Variants in DOCK8 observed in about 807,000 individuals in gnomAD.
The protein encoded by DOCK8 is dedicator of cytokinesis protein 8.
DOCK8 carries 141 observed loss-of-function variants against 245.6 expected under a neutral mutation model. The ratio of observed to expected loss-of-function variants is 0.57; its 90% CI spans 0.50 to 0.66. The LOEUF (loss-of-function observed/expected upper bound fraction) is 0.66. Among genes scored for constraint, DOCK8 ranks in the 30% least tolerant of loss-of-function variants. The pLI is 0.00. For missense variants in DOCK8, 2,965 were observed against 2,603.4 expected (o/e 1.14, Z -3.02); for synonymous variants, 1,168 against 970.2 (o/e 1.20, Z -3.79).
intron 14 of DOCK8, among the ~76,000 whole-genome samples, chr9:341,293 C>A (rs903377640): frequency 7.9e-5 from 12 of 152,232 alleles, no homozygotes; most frequent in Admixed American, 4.6e-4. Context: ...TTCTGAATCG[C>A]TTATGGTGGC....
At position 376,969 on chromosome 9, in the gene DOCK8, C is replaced by T. The variant is rs768044693; in HGVS notation, c.2206-8C>T. 1.2e-6 allele frequency: 2 copies of T among 1,612,862 alleles called. No homozygotes were observed. The highest frequency in any genetic ancestry group is 1.7e-6 in the Non-Finnish European group (2 of 1,179,364). On this transcript the variant is annotated splice_polypyrimidine_tract_variant and splice_region_variant and intron_variant, in intron 19 of 47. Coordinates refer to ENST00000432829, the MANE Select transcript of DOCK8 (RefSeq NM_203447.4). ...AAACCCCATGAGGCCTGCCTTCTCCCTTCGCAGGACAACCACCTGGAGAAG... is the reference window on the plus strand; with the variant it reads ...AAACCCCATGAGGCCTGCCTTCTCCTTTCGCAGGACAACCACCTGGAGAAG...
At chr9:365,798 G>T in intron 14 of DOCK8, 1 of 380,592 alleles carries the variant, frequency 2.6e-6, no homozygotes, top group South Asian at 2.0e-5. Flanking sequence ...TATTTGATTG[G>T]TGGCAGTGGA....
At chr9:289,420 A>G in intron 3 of DOCK8, 90 bp from the exon 4 acceptor site, 1 of 1,027,004 alleles carries the variant, frequency 9.7e-7, no homozygotes, top group Non-Finnish European at 1.5e-6. Context: ...TAAGGATTTA[A>G]ATTCGTGTCA....
intron 1 of DOCK8, among the ~76,000 whole-genome samples, chr9:220,359 T>C (rs2046853640): frequency 6.6e-6 from 1 of 152,230 alleles, no homozygotes; most frequent in East Asian, 1.9e-4. Flanking sequence ...CATTTATGTA[T>C]ATTGATGAAG....
intron 14 of DOCK8, among the ~76,000 whole-genome samples, chr9:344,446 A>T (rs1448847807): frequency 6.6e-6 from 1 of 152,080 alleles, no homozygotes; most frequent in Non-Finnish European, 1.5e-5. Flanking sequence ...CCAGTCCCAG[A>T]TGAGTGTCCC....
intron 2 of DOCK8, among the ~76,000 whole-genome samples, chr9:271,958 C>G (rs751982923): frequency 2.6e-5 from 4 of 152,068 alleles, no homozygotes; most frequent in Non-Finnish European, 5.9e-5. Context: ...TTTGATGTCT[C>G]TAGACTAGGT....
At chr9:313,680 C>T (rs1024618602) in intron 6 of DOCK8, among the ~76,000 whole-genome samples, 8 of 152,126 alleles carry the variant, frequency 5.3e-5, no homozygotes, top group South Asian at 2.1e-4. Context: ...AGTGACCTAT[C>T]GCACTGCACA....
chr9:235,977 C>T (rs923069389), intron 1 of DOCK8, among the ~76,000 whole-genome samples: 1 of 152,218 alleles, frequency 6.6e-6, no homozygotes, highest in Non-Finnish European at 1.5e-5. Flanking sequence ...GCAGAAATCA[C>T]CCGTATTCTG....
chr9:451,392 G>A (rs1190444892), intron 45 of DOCK8, among the ~76,000 whole-genome samples: 1 of 152,080 alleles, frequency 6.6e-6, no homozygotes, highest in Non-Finnish European at 1.5e-5. Context: ...GGAGGCTGAG[G>A]TGGGTGGATC....
chr9:443,238 G>T (rs987475806), intron 42 of DOCK8, among the ~76,000 whole-genome samples, 189 bp from the exon 43 acceptor site: 1 of 152,176 alleles, frequency 6.6e-6, no homozygotes, highest in Non-Finnish European at 1.5e-5. Flanking sequence ...GCATATACCA[G>T]TTGACAGTGC....
chr9:365,030 T>A (rs1337919691), intron 14 of DOCK8, among the ~76,000 whole-genome samples: 1 of 152,162 alleles, frequency 6.6e-6, no homozygotes, highest in African/African-American at 2.4e-5. Context: ...AAGTTTGGAA[T>A]GTTCTAGGTT....
intron 2 of DOCK8, among the ~76,000 whole-genome samples, chr9:273,441 AAAATTTTTTT>A (rs2048221882): frequency 6.6e-6 from 1 of 152,220 alleles, no homozygotes; most frequent in Non-Finnish European, 1.5e-5. Flanking sequence ...AAAAATCAAA[AAAATTTTTTT>A]AAATTGACTG....
At chr9:374,057 C>T (rs2053414146) in intron 18 of DOCK8, among the ~76,000 whole-genome samples, 1 of 152,214 alleles carries the variant, frequency 6.6e-6, no homozygotes, top group African/African-American at 2.4e-5. Context: ...GAAGATGAAA[C>T]TGAGCCCATA....
At position 447,004 on chromosome 9, in the gene DOCK8, C is replaced by T. The variant is rs147618104; in HGVS notation, c.5817+398C>T. Among the ~76,000 whole-genome samples the T allele has an allele frequency of 5.6e-3, 849 of 152,078 alleles. 7 individuals carry two copies. Among genetic ancestry groups the T allele is most frequent in the African/African-American group, 0.019 (794 of 41,472 alleles). ...TAGTCGTGCTGTTAATTATTGGAGA[C>T]GGGACCTGCACGTGGGCAGCCCCAG... is the stretch of plus-strand genomic sequence containing the variant. On this transcript the variant is annotated intron_variant, in intron 44 of 47. Coordinates refer to ENST00000432829, the MANE Select transcript of DOCK8 (RefSeq NM_203447.4).
At chr9:403,948 A>G (rs1268904308) in intron 26 of DOCK8, among the ~76,000 whole-genome samples, 898 of 70,344 alleles carry the variant, frequency 0.013, 25 homozygotes, top group South Asian at 0.028. Flanking sequence ...ATATATGTGT[A>G]TATATATATA....
At chr9:430,984 T>C (rs2056688698) in intron 36 of DOCK8, among the ~76,000 whole-genome samples, 1 of 152,108 alleles carries the variant, frequency 6.6e-6, no homozygotes, top group South Asian at 2.1e-4. Flanking sequence ...ATCCTCCTAC[T>C]TCAGCCTCCC....
intron 1 of DOCK8, among the ~76,000 whole-genome samples, chr9:222,553 T>G (rs764469204): frequency 4.6e-5 from 7 of 152,216 alleles, no homozygotes; most frequent in Non-Finnish European, 1.0e-4. Context: ...TAAATCTTTA[T>G]TTGCCAGTGT....
chr9:376,939 GTATAAAACC>G, intron 19 of DOCK8, 29 bp from the exon 20 acceptor site: 1 of 1,568,806 alleles, frequency 6.4e-7, no homozygotes, highest in South Asian at 1.1e-5. Context: ...AACATTGATG[GTATAAAACC>G]CCATGAGGCC....
In DOCK8 at chr9:328,069, A is replaced by G. The variant is rs1231301670; in HGVS notation, c.942A>G (p.Gly314=). The G allele has an allele frequency of 3.7e-6, 6 of 1,614,078 alleles. No individual in the cohort carries two copies. The African/African-American group carries it at 5.3e-5, about 14-fold the overall frequency. The part of the protein sequence containing the change: ...HCDLNSDQFK[G]FLRAHTPSVA... Reference sequence around the variant, plus strand: ...ACCTGAACTCTGACCAGTTCAAAGGATTTCTGCGAGCTCACACGCCTTCAG... The same window carrying G: ...ACCTGAACTCTGACCAGTTCAAAGGGTTTCTGCGAGCTCACACGCCTTCAG... Residue 314 remains glycine, a synonymous_variant, in exon 9 of 48, where the codon GGA becomes GGG. Transcript: ENST00000432829.
Sources: allele counts gnomAD v4.1 joint callset (sites outside exome capture counted in the v4.1 genomes callset), GRCh38; gene constraint gnomAD v4.1.1; transcripts MANE v1.5; gene names NCBI Gene and HGNC (gene_info 2026-07-23, HGNC 2026-07-21).